Variants in SLC26A5 observed in about 807,000 individuals in gnomAD.
SLC26A5 encodes the protein solute carrier family 26 member 5, also known as prestin.
A neutral mutation model predicts 81.0 loss-of-function variants in SLC26A5; 51 were observed. The ratio of observed to expected loss-of-function variants is 0.63; its 90% CI spans 0.50 to 0.80. The LOEUF (loss-of-function observed/expected upper bound fraction) is 0.80, where lower values mean the gene tolerates loss of function less well. Ranked by LOEUF, SLC26A5 falls within the 30% of genes least tolerant of loss-of-function variation. The pLI, the probability that SLC26A5 is intolerant of heterozygous loss-of-function variation, is 0.00. For missense variants in SLC26A5, 771 were observed against 905.8 expected (o/e 0.85, Z 1.91); for synonymous variants, 325 against 332.8 (o/e 0.98, Z 0.25).
chr7:103,380,599 T>C, intron 14 of SLC26A5, 50 bp from the exon 15 acceptor site: 1 of 1,512,910 alleles, frequency 6.6e-7, no homozygotes, highest in African/African-American at 1.4e-5. Flanking sequence ...CAGCGTGTGA[T>C]TTCAACAGGA....
downstream of SLC26A5, chr7:103,374,167 C>A: frequency 7.6e-7 from 1 of 1,310,302 alleles, no homozygotes; most frequent in Non-Finnish European, 9.7e-7. Flanking sequence ...TAGAATGTAG[C>A]AGAAATGTCT....
At chr7:103,445,558 G>A (rs1319310614) in intron 1 of SLC26A5, 1 of 152,272 alleles carries the variant, frequency 6.6e-6, no homozygotes, top group Non-Finnish European at 1.5e-5. Context: ...GAGACCCGGG[G>A]TTTGAGCCTT....
chr7:103,420,928 T>A, intron 3 of SLC26A5, 51 bp from the exon 4 acceptor site: 1 of 1,558,454 alleles, frequency 6.4e-7, no homozygotes. Context: ...GAAACATCTC[T>A]GTAGAATTCA....
At chr7:103,366,268 C>G in intron 19 of SLC26A5, 2 of 957,576 alleles carry the variant, frequency 2.1e-6, no homozygotes, top group Non-Finnish European at 3.2e-6. Context: ...AACTCCAACT[C>G]TTCTATGAGC....
intron 2 of SLC26A5, among the ~76,000 whole-genome samples, chr7:103,441,417 G>A (rs946188928): frequency 6.6e-6 from 1 of 152,134 alleles, no homozygotes; most frequent in East Asian, 1.9e-4. Context: ...AATTTACAAT[G>A]TAATGGCAAC....
chr7:103,393,567 CTGTGTGTG>C (rs10549297), intron 9 of SLC26A5, among the ~76,000 whole-genome samples: 3,605 of 147,868 alleles, frequency 0.024, 132 homozygotes, highest in African/African-American at 0.084. Context: ...CTACCTCTTC[CTGTGTGTG>C]TGTGTGTGTG....
chr7:103,427,787 C>G (rs1014226946), intron 2 of SLC26A5, among the ~76,000 whole-genome samples: 22 of 151,746 alleles, frequency 1.4e-4, no homozygotes, highest in Non-Finnish European at 2.1e-4. Flanking sequence ...TTTTCTATGC[C>G]TTGCTGGCAT....
At chr7:103,361,631 A>AT (rs1586163087) in intron 19 of SLC26A5, among the ~76,000 whole-genome samples, 1 of 152,106 alleles carries the variant, frequency 6.6e-6, no homozygotes, top group East Asian at 1.9e-4. Flanking sequence ...TGTAGGGAAA[A>AT]TAAAAACGAG....
intron 17 of SLC26A5, 73 bp from the exon 18 acceptor site, chr7:103,377,872 T>C: frequency 7.1e-7 from 1 of 1,416,096 alleles, no homozygotes; most frequent in Non-Finnish European, 9.9e-7. Context: ...AGATTTATAA[T>C]GGAAAATCTG....
chr7:103,382,417 T>C (rs551995918), intron 14 of SLC26A5, among the ~76,000 whole-genome samples: 58 of 149,286 alleles, frequency 3.9e-4, no homozygotes, highest in African/African-American at 1.4e-3. Context: ...TGGTGCAATC[T>C]TGGCTCATTG....
Position 103,354,834 on chromosome 7 carries a change from T to C in SLC26A5, c.2042-1908A>G, listed in dbSNP as rs761384552. On this transcript the variant is annotated intron_variant, in intron 19 of 19. Transcript: ENST00000339444. ...TAGTTTTAATAAATGGTTGATATCC[T>C]GATATTCTAACTAAACTGACCTTCA... 1.1e-5 allele frequency: 15 copies of C among 1,374,806 alleles called. No individual in the cohort carries two copies. In the South Asian group the frequency reaches 1.5e-4, roughly 13 times the overall value. 85.2% of individuals were successfully genotyped at this position (1,374,806 alleles called of 1,614,324 possible). A position where few individuals can be genotyped will look rare whatever the true frequency, so the allele number is the denominator to read the frequency against.
intron 2 of SLC26A5, among the ~76,000 whole-genome samples, chr7:103,428,804 G>C (rs748417599): frequency 2.0e-5 from 3 of 152,308 alleles, no homozygotes; most frequent in Middle Eastern, 3.4e-3. Context: ...TTGACCTCAA[G>C]TGATCCATCT....
intron 2 of SLC26A5, among the ~76,000 whole-genome samples, chr7:103,430,038 C>G (rs565257332): frequency 6.6e-6 from 1 of 151,484 alleles, no homozygotes; most frequent in African/African-American, 2.4e-5. Flanking sequence ...CATGCAGAGC[C>G]TAGGGTTCAG....
intron 8 of SLC26A5, among the ~76,000 whole-genome samples, chr7:103,400,331 G>C (rs1017686550): frequency 3.9e-5 from 6 of 152,200 alleles, no homozygotes; most frequent in Non-Finnish European, 8.8e-5. Context: ...GTGATGATGA[G>C]CTTTTTTCCA....
chr7:103,375,495 C>T (rs1821288528), intron 19 of SLC26A5, among the ~76,000 whole-genome samples: 1 of 152,108 alleles, frequency 6.6e-6, no homozygotes, highest in Admixed American at 6.5e-5. Flanking sequence ...CCATCATATG[C>T]CTATGGAGCA....
intron 19 of SLC26A5, among the ~76,000 whole-genome samples, chr7:103,357,791 CTG>C (rs1820123393): frequency 6.6e-6 from 1 of 152,040 alleles, no homozygotes; most frequent in Non-Finnish European, 1.5e-5. Flanking sequence ...GCCTGGTTTT[CTG>C]TGCATATATT....
intron 2 of SLC26A5, among the ~76,000 whole-genome samples, chr7:103,427,956 G>A (rs748540568): frequency 1.3e-5 from 2 of 151,586 alleles, no homozygotes; most frequent in Admixed American, 6.6e-5. Flanking sequence ...GGGTTCAAGC[G>A]ATTCTCCTGC....
chr7:103,384,340 C>A (rs1456497239), intron 14 of SLC26A5, among the ~76,000 whole-genome samples: 2 of 151,522 alleles, frequency 1.3e-5, no homozygotes, highest in African/African-American at 4.8e-5. Context: ...AGGCTGGGCG[C>A]GGTGGCTCAT....
At chr7:103,399,726 T>C (rs747214987) in intron 8 of SLC26A5, among the ~76,000 whole-genome samples, 2 of 152,096 alleles carry the variant, frequency 1.3e-5, no homozygotes, top group Non-Finnish European at 2.9e-5. Flanking sequence ...CCTCAGCCCC[T>C]GACCCATGGA....
Sources: gnomAD v4.1 joint callset for allele counts (sites outside exome capture counted in the v4.1 genomes callset) on GRCh38, gnomAD v4.1.1 for gene constraint, MANE v1.5 for transcripts, NCBI Gene and HGNC (gene_info 2026-07-23, HGNC 2026-07-21) for gene names.